The following GRIN2B variants were observed in gnomAD, a reference collection of about 807,000 sequenced individuals.
GRIN2B encodes glutamate receptor ionotropic, NMDA 2B.
Under a neutral mutation model 114.5 loss-of-function variants are expected in GRIN2B, and 5 were observed. The ratio of observed to expected loss-of-function variants is 0.04; its 90% CI spans 0.02 to 0.09. GRIN2B has a LOEUF of 0.09. GRIN2B is among the 10% of genes least tolerant of loss of function. The pLI is 1.00. For missense variants in GRIN2B, 1,108 were observed against 1,943.5 expected, an observed-to-expected ratio of 0.57 and a Z score of 8.08; for synonymous variants, 787 against 745.1, an observed-to-expected ratio of 1.06 and a Z score of -0.92.
At chr12:13,958,928 A>C (rs949536377) in intron 2 of GRIN2B, among the ~76,000 whole-genome samples, 1 of 152,126 alleles carries the variant, frequency 6.6e-6, no homozygotes, top group Non-Finnish European at 1.5e-5. Flanking sequence ...TATCCAGAGC[A>C]CTTGATTTGG....
At chr12:13,602,920 C>A (rs1422186305) in intron 10 of GRIN2B, among the ~76,000 whole-genome samples, 2 of 152,146 alleles carry the variant, frequency 1.3e-5, no homozygotes, top group Non-Finnish European at 2.9e-5. Context: ...GTGGTAGGAA[C>A]GTGTGAAATC....
chr12:13,825,573 A>G (rs963369011), intron 3 of GRIN2B, among the ~76,000 whole-genome samples: 3 of 145,062 alleles, frequency 2.1e-5, no homozygotes, highest in South Asian at 2.2e-4. Flanking sequence ...CTAGAGTGCA[A>G]TGGCCCGATG....
At chr12:13,765,371 C>T (rs747694001) in intron 3 of GRIN2B, among the ~76,000 whole-genome samples, 32 of 152,328 alleles carry the variant, frequency 2.1e-4, no homozygotes, top group African/African-American at 7.0e-4. Context: ...TTACCTAAGC[C>T]GGTGAGTCCA....
intron 4 of GRIN2B, among the ~76,000 whole-genome samples, chr12:13,705,346 G>A (rs1175928752): frequency 3.9e-5 from 6 of 152,132 alleles, no homozygotes; most frequent in Admixed American, 3.9e-4. Flanking sequence ...GGCACTCTAA[G>A]AGACACTAGA....
chr12:13,960,691 G>T (rs999498960), intron 2 of GRIN2B, among the ~76,000 whole-genome samples: 1 of 152,212 alleles, frequency 6.6e-6, no homozygotes, highest in Non-Finnish European at 1.5e-5. Flanking sequence ...CACACTGAAA[G>T]CAGCAGTGAA....
intron 2 of GRIN2B, among the ~76,000 whole-genome samples, chr12:13,937,131 T>A (rs1867144224): frequency 6.7e-6 from 1 of 149,384 alleles, no homozygotes; most frequent in Non-Finnish European, 1.5e-5. Flanking sequence ...ATGAAAGAGC[T>A]GCATGTTAAT....
At chr12:13,746,688 G>C (rs1262533767) in intron 4 of GRIN2B, among the ~76,000 whole-genome samples, 2 of 152,220 alleles carry the variant, frequency 1.3e-5, no homozygotes, top group East Asian at 1.9e-4. Context: ...CCCAATGCTG[G>C]AGATTGAGCC....
At chr12:13,911,020 C>T (rs1359742831) in intron 2 of GRIN2B, among the ~76,000 whole-genome samples, 4 of 152,008 alleles carry the variant, frequency 2.6e-5, no homozygotes, top group Non-Finnish European at 4.4e-5. Flanking sequence ...TATTTTCCAA[C>T]CCTTTCTGCA....
At chr12:13,601,818 G>T (rs1488473440) in intron 10 of GRIN2B, among the ~76,000 whole-genome samples, 1 of 152,180 alleles carries the variant, frequency 6.6e-6, no homozygotes, top group Non-Finnish European at 1.5e-5. Flanking sequence ...GACTTGGAGG[G>T]TGACCCACTA....
intron 3 of GRIN2B, among the ~76,000 whole-genome samples, chr12:13,857,855 A>G (rs140246354): frequency 3.9e-5 from 6 of 152,258 alleles, no homozygotes; most frequent in Admixed American, 3.9e-4. Flanking sequence ...TTCTAATCCA[A>G]TACCAACCCA....
intron 5 of GRIN2B, among the ~76,000 whole-genome samples, chr12:13,621,623 T>TTG (rs1949517520): frequency 2.1e-5 from 3 of 140,772 alleles, no homozygotes; most frequent in South Asian, 4.8e-4. Flanking sequence ...GTTTTTTTTT[T>TTG]TTTTTTTTTT....
rs1430426737 is a variant in GRIN2B, at chr12:13,550,161, A to T, written c.*12622T>A. On this transcript the variant is annotated 3_prime_UTR_variant, in exon 14 of 14. Coordinates refer to ENST00000609686, the MANE Select transcript of GRIN2B (RefSeq NM_000834.5). ...GATGATCTTATTTCCAAGTCAAAGG[A>T]GGTTATTTGGAGAAGTGGTTATGGT... 6.6e-6 allele frequency: 1 copy of T among 152,178 alleles called. No homozygotes were observed. The highest frequency in any genetic ancestry group is 1.5e-5 in the Non-Finnish European group (1 of 68,028). 9.4% of individuals were successfully genotyped at this position (152,178 alleles called of 1,614,324 possible).
chr12:13,554,383 A>G lies in GRIN2B; in HGVS notation c.*8400T>C, dbSNP rs1948452864. The G allele has an allele frequency of 6.6e-6, 1 of 152,212 alleles. No individual in the cohort carries two copies. Among genetic ancestry groups the G allele is most frequent in the South Asian group, 2.1e-4 (1 of 4,834 alleles). 9.4% of individuals were successfully genotyped at this position (152,212 alleles called of 1,614,324 possible). A position where few individuals can be genotyped will look rare whatever the true frequency, so the allele number is the denominator to read the frequency against. On this transcript the variant is annotated 3_prime_UTR_variant, in exon 14 of 14. Transcript: ENST00000609686. ...TGTTCTGGTCTTTGAAGACTTATAT[A>G]GAGGGAATGGATATTATTCAAGAAG...
chr12:13,808,750 A>ATAT (rs1555142372), intron 3 of GRIN2B, among the ~76,000 whole-genome samples: 6 of 111,822 alleles, frequency 5.4e-5, no homozygotes, highest in African/African-American at 1.7e-4. Flanking sequence ...TAATAAAAAA[A>ATAT]AAATATATAT....
chr12:13,628,060 C>T (rs527656855), intron 5 of GRIN2B, among the ~76,000 whole-genome samples: 5 of 152,154 alleles, frequency 3.3e-5, no homozygotes, highest in Non-Finnish European at 7.4e-5. Context: ...CTCCTCTATG[C>T]CACAAATATT....
intron 2 of GRIN2B, among the ~76,000 whole-genome samples, chr12:13,926,550 G>C (rs1866914810): frequency 6.6e-6 from 1 of 152,198 alleles, no homozygotes; most frequent in South Asian, 2.1e-4. Flanking sequence ...ATGGAACCTG[G>C]ATGAGAGCTG....
At chr12:13,952,429 C>T (rs931003160) in intron 2 of GRIN2B, among the ~76,000 whole-genome samples, 4 of 152,136 alleles carry the variant, frequency 2.6e-5, no homozygotes, top group Non-Finnish European at 5.9e-5. Context: ...AGAAATGAAA[C>T]TAAAATACTC....
Position 13,638,649 on chromosome 12 carries a change from ACT to A in GRIN2B, c.1126-21994_1126-21993del, listed in dbSNP as rs541826267. On this transcript the variant is annotated intron_variant, in intron 5 of 13. Transcript: ENST00000609686. The stretch of plus-strand genomic sequence containing the variant: ...GGTACATGAGTCCATCTCTGTTTGA[ACT>A]CTCATTTCAAAATGGTTCTGTCCTC... Among the ~76,000 whole-genome samples, 41 of 152,110 alleles carry A rather than the reference ACT, an allele frequency of 2.7e-4. 2 individuals are homozygous for A. In the Middle Eastern group the frequency reaches 0.01, roughly 38 times the overall value.
intron 5 of GRIN2B, among the ~76,000 whole-genome samples, chr12:13,628,530 A>G (rs918386026): frequency 6.6e-6 from 1 of 152,238 alleles, no homozygotes; most frequent in Non-Finnish European, 1.5e-5. Flanking sequence ...CCTCTCAGAT[A>G]TAGCTCAGGA....
Sources: gnomAD v4.1 joint callset for allele counts (sites outside exome capture counted in the v4.1 genomes callset) on GRCh38, gnomAD v4.1.1 for gene constraint, MANE v1.5 for transcripts, NCBI Gene and HGNC (gene_info 2026-07-23, HGNC 2026-07-21) for gene names.